The following ACSM3 variants were observed in gnomAD, a reference collection of about 807,000 sequenced individuals.
The protein encoded by ACSM3 is acyl-coenzyme A synthetase ACSM3, mitochondrial.
In ACSM3, 61 loss-of-function variants were observed where a neutral mutation model predicts 74.1. The observed-to-expected ratio is 0.82, with a 90% CI of 0.67 to 1.02. The LOEUF (loss-of-function observed/expected upper bound fraction) is 1.02. ACSM3 is among the 50% of genes least tolerant of loss of function. The pLI is 0.00. For missense variants in ACSM3, 660 were observed against 697.0 expected (o/e 0.95, Z 0.60); for synonymous variants, 213 against 241.5 (o/e 0.88, Z 1.09).
chr16:20,792,629 C>T (rs942094629), intron 12 of ACSM3: 8 of 985,276 alleles, frequency 8.1e-6, no homozygotes, highest in African/African-American at 1.7e-5. Flanking sequence ...CCCAGGCTCA[C>T]GTCAGGATGG....
At chr16:20,682,466 G>T in intron 1 of ACSM3, 1 of 1,612,092 alleles carries the variant, frequency 6.2e-7, no homozygotes, top group Non-Finnish European at 8.5e-7. Flanking sequence ...GATGATCCCT[G>T]GGGATGAGAA....
chr16:20,732,988 T>C (rs2079840094), intron 1 of ACSM3: 1 of 155,990 alleles, frequency 6.4e-6, no homozygotes, highest in Non-Finnish European at 1.5e-5. Context: ...GGGACGAACA[T>C]AGCTTGATAA....
intron 1 of ACSM3, among the ~76,000 whole-genome samples, chr16:20,745,739 T>C (rs754687901): frequency 1.3e-5 from 2 of 152,166 alleles, no homozygotes; most frequent in Non-Finnish European, 2.9e-5. Context: ...AAGGGGGGAA[T>C]GGTGTGACAC....
intron 2 of ACSM3, among the ~76,000 whole-genome samples, chr16:20,755,196 C>T (rs1239376377): frequency 6.6e-6 from 1 of 152,112 alleles, no homozygotes; most frequent in Non-Finnish European, 1.5e-5. Flanking sequence ...AGTGTCAAAG[C>T]CAGCTAAAAT....
intron 1 of ACSM3, among the ~76,000 whole-genome samples, chr16:20,698,012 G>A (rs928790843): frequency 6.6e-6 from 1 of 151,954 alleles, no homozygotes; most frequent in African/African-American, 2.4e-5. Flanking sequence ...GGCTAACACG[G>A]TGAAACCCCG....
chr16:20,751,331 T>G (rs1206815883), intron 2 of ACSM3, among the ~76,000 whole-genome samples: 1 of 152,254 alleles, frequency 6.6e-6, no homozygotes, highest in Non-Finnish European at 1.5e-5. Context: ...TCTATAAAGC[T>G]TTGTCCTTTT....
At chr16:20,789,413 G>C in intron 9 of ACSM3, 1 of 1,177,182 alleles carries the variant, frequency 8.5e-7, no homozygotes, top group Non-Finnish European at 1.3e-6. Flanking sequence ...CTAGCTACTG[G>C]TAGACACTTC....
At chr16:20,764,619 A>T (rs574709147) in intron 1 of ACSM3, 1 of 152,234 alleles carries the variant, frequency 6.6e-6, no homozygotes, top group Admixed American at 6.5e-5. Context: ...GCTACTTGGG[A>T]GCCTGAGGCA....
At chr16:20,706,472 T>A (rs1270925944) in intron 1 of ACSM3, among the ~76,000 whole-genome samples, 3 of 152,182 alleles carry the variant, frequency 2.0e-5, no homozygotes, top group Non-Finnish European at 2.9e-5. Flanking sequence ...TAATTTCTCA[T>A]CTATTCAAGG....
chr16:20,749,617 T>C (rs1343622930), intron 1 of ACSM3: 1 of 152,270 alleles, frequency 6.6e-6, no homozygotes, highest in East Asian at 1.9e-4. Context: ...TAGAGACAGA[T>C]GGCAAGGCAG....
intron 1 of ACSM3, among the ~76,000 whole-genome samples, chr16:20,693,721 T>C (rs1406400873): frequency 1.3e-5 from 2 of 152,202 alleles, no homozygotes; most frequent in East Asian, 3.9e-4. Context: ...CCCTCCTGCC[T>C]GCTTCTCCAC....
chr16:20,797,239 GA>G lies in ACSM3; in HGVS notation c.*269del. 1 of 1,132,048 alleles carries G rather than the reference GA, an allele frequency of 8.8e-7. No homozygotes were observed. The highest frequency in any genetic ancestry group is 1.1e-6 in the Non-Finnish European group (1 of 927,012). 70.1% of individuals were successfully genotyped at this position (1,132,048 alleles called of 1,614,324 possible). On this transcript the variant is annotated 3_prime_UTR_variant, in exon 14 of 14. Coordinates refer to ENST00000289416, the MANE Select transcript of ACSM3 (RefSeq NM_005622.4). ...GATTAATTTTTAAATGTATAGTATA[GA>G]AGCAGTTTCTGAACCAGATCTCTGC...
chr16:20,697,448 C>T (rs2079695600), intron 1 of ACSM3, among the ~76,000 whole-genome samples: 1 of 151,998 alleles, frequency 6.6e-6, no homozygotes, highest in Non-Finnish European at 1.5e-5. Context: ...TCCTCTCACC[C>T]AATATCACCA....
intron 1 of ACSM3, chr16:20,741,565 C>G (rs1274412539): frequency 2.6e-6 from 4 of 1,543,012 alleles, no homozygotes. Context: ...TAGGCCTCCT[C>G]CACGCACTTG....
At chr16:20,697,635 C>A (rs959260918) in intron 1 of ACSM3, 1 of 151,452 alleles carries the variant, frequency 6.6e-6, no homozygotes, top group African/African-American at 2.4e-5. Context: ...CTCTGTCTTA[C>A]CTGGTACTGT....
At chr16:20,737,519 T>C (rs892825758) in intron 1 of ACSM3, among the ~76,000 whole-genome samples, 1 of 152,236 alleles carries the variant, frequency 6.6e-6, no homozygotes, top group African/African-American at 2.4e-5. Flanking sequence ...AAAAGACTTT[T>C]ATCTAACTAC....
chr16:20,780,663 A>T (rs201158405), intron 4 of ACSM3, 51 bp from the exon 5 acceptor site: 1 of 1,614,200 alleles, frequency 6.2e-7, no homozygotes, highest in African/African-American at 1.3e-5. Context: ...CAGTGGTAAC[A>T]GTCTGTGATG....
In ACSM3 at chr16:20,695,426, T is replaced by A. The variant is rs1013116018; in HGVS notation, c.-190+20604T>A. Among the ~76,000 whole-genome samples, 3 of 152,112 alleles carry A rather than the reference T, an allele frequency of 2.0e-5. No individual in the cohort carries two copies. In the South Asian group the frequency reaches 6.2e-4, roughly 32 times the overall value. On this transcript the variant is annotated intron_variant, in intron 1 of 3. Coordinates refer to the ACSM3 transcript ENST00000561584. The stretch of plus-strand genomic sequence containing the variant: ...ACTTTATAGGGAAGCTCTTATAGAG[T>A]AGTTAAGCCAGAGGAAAAAAATTTC...
chr16:20,781,124 C>T lies in ACSM3; in HGVS notation c.933C>T (p.Ile311=), dbSNP rs2080344419. 1.2e-6 allele frequency: 2 copies of T among 1,613,782 alleles called. No homozygotes were observed. The highest frequency in any genetic ancestry group is 2.7e-5 in the African/African-American group (2 of 74,894). The change falls in exon 6 of 14, where the codon ATC becomes ATT. Residue 311 remains isoleucine (I), a synonymous_variant. Coordinates refer to ENST00000289416, the MANE Select transcript of ACSM3 (RefSeq NM_005622.4). ...TACCCCGTTTTGAGCCGACTTCTAT[C>T]TTGCAAGTAAGCCAAAGCACAAAGA... ...HHLPRFEPTS[I]LQTLSKYPIT... is the part of the protein sequence containing the mutation.
Sources: allele counts gnomAD v4.1 joint callset (sites outside exome capture counted in the v4.1 genomes callset), GRCh38; gene constraint gnomAD v4.1.1; transcripts MANE v1.5; gene names NCBI Gene and HGNC (gene_info 2026-07-23, HGNC 2026-07-21).